RBFOX1: variants seen among roughly 807,000 people sequenced by gnomAD.
The protein encoded by RBFOX1 is RNA binding fox-1 homolog 1.
In RBFOX1, 8 loss-of-function variants were observed where a neutral mutation model predicts 57.7. That is an observed-to-expected ratio of 0.14 (90% CI 0.08 to 0.25). The LOEUF (loss-of-function observed/expected upper bound fraction) is 0.25. Ranked by LOEUF, RBFOX1 falls within the 10% of genes least tolerant of loss-of-function variation. The probability of loss-of-function intolerance (pLI) is 1.00; values close to 1 mark genes in which losing one functional copy is unlikely to be tolerated. For missense variants in RBFOX1, 611 were observed against 548.5 expected, an observed-to-expected ratio of 1.11 and a Z score of -1.14; for synonymous variants, 326 against 222.4, an observed-to-expected ratio of 1.47 and a Z score of -4.15.
intron 2 of RBFOX1, among the ~76,000 whole-genome samples, chr16:6,478,418 TA>T (rs1567368813): frequency 0.018 from 369 of 20,650 alleles, 2 homozygotes; most frequent in Non-Finnish European, 0.024. Flanking sequence ...TATATATATA[TA>T]TATATATATA....
chr16:7,672,090 T>C (rs991104073), intron 13 of RBFOX1, among the ~76,000 whole-genome samples: 3 of 152,186 alleles, frequency 2.0e-5, no homozygotes. Flanking sequence ...CCAGCATACC[T>C]GACATCTAAC....
intron 12 of RBFOX1, among the ~76,000 whole-genome samples, chr16:7,661,581 A>G (rs1045452483): frequency 2.0e-5 from 3 of 152,174 alleles, no homozygotes; most frequent in African/African-American, 7.2e-5. Context: ...TGTCTCCTGC[A>G]GTATCTATCT....
At chr16:6,140,003 A>G (rs1260102513) in intron 1 of RBFOX1, among the ~76,000 whole-genome samples, 2 of 152,042 alleles carry the variant, frequency 1.3e-5, no homozygotes, top group Non-Finnish European at 2.9e-5. Context: ...AAAAATACGG[A>G]ATATTGTGTT....
intron 3 of RBFOX1, among the ~76,000 whole-genome samples, chr16:6,859,079 T>A (rs1038032093): frequency 1.5e-5 from 2 of 131,830 alleles, no homozygotes; most frequent in East Asian, 4.5e-4. Context: ...GCTCCCTTAA[T>A]ACCATCAGTG....
intron 4 of RBFOX1, among the ~76,000 whole-genome samples, chr16:7,081,777 T>C (rs565119406): frequency 3.9e-4 from 59 of 152,310 alleles, no homozygotes; most frequent in Non-Finnish European, 8.2e-4. Flanking sequence ...ACATGGATGA[T>C]TTGAACACCT....
intron 3 of RBFOX1, among the ~76,000 whole-genome samples, chr16:6,867,893 A>G (rs1344300108): frequency 2.0e-5 from 3 of 152,164 alleles, no homozygotes; most frequent in Admixed American, 1.3e-4. Context: ...TAGTCATTCC[A>G]TACTCTTAAA....
At chr16:5,513,809 G>A (rs967246389) in intron 2 of RBFOX1, among the ~76,000 whole-genome samples, 5 of 152,028 alleles carry the variant, frequency 3.3e-5, no homozygotes, top group Admixed American at 2.6e-4. Context: ...TTTTTATAAG[G>A]AATAAATGTG....
intron 2 of RBFOX1, among the ~76,000 whole-genome samples, chr16:6,644,653 C>T (rs148292774): frequency 5.3e-5 from 8 of 152,270 alleles, no homozygotes; most frequent in African/African-American, 1.9e-4. Context: ...GTCTAAGCAT[C>T]CTGGTCTTTT....
chr16:6,100,699 C>G (rs911092310), intron 1 of RBFOX1, among the ~76,000 whole-genome samples: 1 of 152,112 alleles, frequency 6.6e-6, no homozygotes, highest in Admixed American at 6.5e-5. Context: ...AATATAGAGA[C>G]TATTATTGTT....
At chr16:5,625,191 G>A (rs2048312748) in intron 3 of RBFOX1, among the ~76,000 whole-genome samples, 1 of 152,028 alleles carries the variant, frequency 6.6e-6, no homozygotes, top group African/African-American at 2.4e-5. Flanking sequence ...ACTGGAAGAT[G>A]AGCCCCCCAG....
chr16:5,603,266 A>G (rs1248778622), downstream of RBFOX1, among the ~76,000 whole-genome samples: 1 of 152,204 alleles, frequency 6.6e-6, no homozygotes, highest in African/African-American at 2.4e-5. Context: ...TGCACCCACC[A>G]TTTCACAGGC....
At chr16:7,451,808 C>T (rs146952371) in intron 4 of RBFOX1, among the ~76,000 whole-genome samples, 4,219 of 151,970 alleles carry the variant, frequency 0.028, 62 homozygotes, top group Middle Eastern at 0.051. Context: ...CACTGGCCAG[C>T]CCTCCTTCTC....
chr16:6,492,299 G>A (rs767226280), intron 2 of RBFOX1, among the ~76,000 whole-genome samples: 3 of 152,200 alleles, frequency 2.0e-5, no homozygotes, highest in African/African-American at 4.8e-5. Flanking sequence ...GGCTGGGCAC[G>A]ATGGCCCACG....
chr16:5,505,804 G>C (rs888698557), intron 2 of RBFOX1, among the ~76,000 whole-genome samples: 3 of 152,156 alleles, frequency 2.0e-5, no homozygotes, highest in Non-Finnish European at 2.9e-5. Context: ...ACCCCTGGCA[G>C]CTGTCTGGTA....
chr16:7,575,050 T>TGG (rs200922897), intron 5 of RBFOX1, among the ~76,000 whole-genome samples: 4 of 102,424 alleles, frequency 3.9e-5, no homozygotes, highest in East Asian at 3.2e-4. Context: ...TGATCTTATT[T>TGG]GGGGGGGGCT....
chr16:5,495,957 C>A (rs759934485), intron 2 of RBFOX1, among the ~76,000 whole-genome samples: 1 of 152,148 alleles, frequency 6.6e-6, no homozygotes, highest in African/African-American at 2.4e-5. Context: ...GAAACCCTGT[C>A]TCTACTAAAA....
intron 4 of RBFOX1, among the ~76,000 whole-genome samples, chr16:7,156,648 C>T (rs1020797286): frequency 6.6e-5 from 10 of 151,978 alleles, no homozygotes; most frequent in Admixed American, 2.6e-4. Context: ...ATGTATAATA[C>T]ACTACATTTA....
intron 3 of RBFOX1, among the ~76,000 whole-genome samples, chr16:6,765,513 C>G (rs1004721202): frequency 6.9e-6 from 1 of 145,686 alleles, no homozygotes; most frequent in East Asian, 1.9e-4. Context: ...ACATGTACAC[C>G]TCAACTTAAA....
chr16:7,176,221 A>G (rs2081617038), intron 4 of RBFOX1, among the ~76,000 whole-genome samples: 1 of 101,558 alleles, frequency 9.8e-6, no homozygotes, highest in Non-Finnish European at 1.9e-5. Context: ...GAGATTAATA[A>G]TAATTCTTGG....
Sources: gnomAD v4.1 joint callset for allele counts (sites outside exome capture counted in the v4.1 genomes callset) on GRCh38, gnomAD v4.1.1 for gene constraint, MANE v1.5 for transcripts, NCBI Gene and HGNC (gene_info 2026-07-23, HGNC 2026-07-21) for gene names.